EP300: variants seen among roughly 807,000 people sequenced by gnomAD.
EP300 encodes histone acetyltransferase p300.
In EP300, 31 loss-of-function variants were observed where a neutral mutation model predicts 264.0. The observed-to-expected ratio is 0.12, with a 90% confidence interval of 0.09 to 0.16. EP300 has a LOEUF of 0.16. Ranked by LOEUF, EP300 falls within the 10% of genes least tolerant of loss-of-function variation. The pLI, the probability that EP300 is intolerant of heterozygous loss-of-function variation, is 1.00. For missense variants in EP300, 2,766 were observed against 3,052.9 expected (o/e 0.91, Z 2.21); for synonymous variants, 1,340 against 1,045.4 (o/e 1.28, Z -5.44).
chr22:41,167,333 C>T (rs1171126004), intron 23 of EP300, among the ~76,000 whole-genome samples: 1 of 151,550 alleles, frequency 6.6e-6, no homozygotes, highest in Non-Finnish European at 1.5e-5. Context: ...TACCTTTTGG[C>T]CTTATGTGAT....
chr22:41,093,138 T>TCTTTTCTACTCGGTGCGC, intron 1 of EP300, 40 bp downstream of exon 1: 1 of 1,584,484 alleles, frequency 6.3e-7, no homozygotes, highest in South Asian at 1.1e-5. Context: ...TTCCCTTTAA[T>TCTTTTCTACTCGGTGCGC]CTTTTCTACT....
chr22:41,152,212 G>A lies in EP300; in HGVS notation c.3004G>A (p.Val1002Met), dbSNP rs2145740601. ...TTCTTACGTTTTCTTTTAGTCTAAA[G>A]TGGAAGACTGTAAAATGGAATCTAC... ...TQPEDISESK[V>M]EDCKMESTET... Residue 1002 changes from valine to methionine, a missense_variant, in exon 16 of 31, where the codon GTG (valine) becomes ATG (methionine). Physicochemically the swap from Val to Met is conservative, Grantham distance 21 (BLOSUM62 1). Coordinates refer to ENST00000263253, the MANE Select transcript of EP300 (RefSeq NM_001429.4). 1 of 1,614,064 alleles carries A rather than the reference G, an allele frequency of 6.2e-7. No homozygotes were observed.
chr22:41,127,764 G>A lies in EP300; in HGVS notation c.1168+16G>A. 6.2e-7 allele frequency: 1 copy of A among 1,614,024 alleles called. No homozygotes were observed. Among genetic ancestry groups the A allele is most frequent in the Non-Finnish European group, 8.5e-7 (1 of 1,180,046 alleles). ...TCTTGCCAAGGTAAGTGGACCCACA[G>A]GGTTACTGTACTTAGCAATTTTTAC... On this transcript the variant is annotated intron_variant, in intron 4 of 30. Coordinates refer to ENST00000263253, the MANE Select transcript of EP300 (RefSeq NM_001429.4).
In EP300 at chr22:41,178,617, T is replaced by C. The variant is rs1300822601; in HGVS notation, c.6906T>C (p.Ser2302=). The C allele has an allele frequency of 1.9e-6, 3 of 1,613,672 alleles. No homozygotes were observed. Among genetic ancestry groups the C allele is most frequent in the African/African-American group, 1.3e-5 (1 of 74,768 alleles). The part of the protein sequence containing the change: ...PHLQGQQIPN[S]LSNQVRSPQP... ...TACAAGGCCAGCAGATCCCTAATTC[T>C]CTCTCCAATCAAGTGCGCTCTCCCC... Residue 2302 remains serine, a synonymous_variant, in exon 31 of 31, where the codon TCT becomes TCC. Transcript: ENST00000263253.
chr22:41,093,986 A>G (rs1345938264), intron 1 of EP300, among the ~76,000 whole-genome samples: 5 of 152,194 alleles, frequency 3.3e-5, no homozygotes, highest in African/African-American at 1.2e-4. Context: ...GTCTTTTTAC[A>G]CTTTTAAACA....
intron 27 of EP300, 66 bp from the exon 28 acceptor site, chr22:41,172,430 GATT>G (rs1459357308): frequency 7.2e-7 from 1 of 1,382,078 alleles, no homozygotes; most frequent in Non-Finnish European, 1.0e-6. Context: ...TGTCAGCCAT[GATT>G]ATTCTGTATA....
chr22:41,116,623 T>A (rs971313837), intron 1 of EP300, among the ~76,000 whole-genome samples: 6 of 152,164 alleles, frequency 3.9e-5, no homozygotes, highest in Non-Finnish European at 7.3e-5. Context: ...TGGGGGGTGT[T>A]GTACTTTCAA....
In EP300 at chr22:41,179,163, T is replaced by TA; in HGVS notation, c.*208dup. On this transcript the variant is annotated 3_prime_UTR_variant, in exon 31 of 31. Coordinates refer to ENST00000263253, the MANE Select transcript of EP300 (RefSeq NM_001429.4). ...TAGAATACAAAGAATATATTTTTGT[T>TA]ATGGCTGGTTACCACCAGCCTTTCT... 3 of 618,348 alleles carry TA rather than the reference T, an allele frequency of 4.9e-6. No homozygotes were observed. The highest frequency in any genetic ancestry group is 8.3e-6 in the Non-Finnish European group (3 of 360,442). The allele number at this position is 618,348 out of a possible 1,614,324, so 38.3% of individuals were successfully genotyped here. A position where few individuals can be genotyped will look rare whatever the true frequency, so the allele number is the denominator to read the frequency against.
At chr22:41,095,631 A>G (rs2145669952) in intron 1 of EP300, among the ~76,000 whole-genome samples, 1 of 152,180 alleles carries the variant, frequency 6.6e-6, no homozygotes, top group African/African-American at 2.4e-5. Context: ...AAAACTTTTA[A>G]GTTTCAAACT....
intron 1 of EP300, 123 bp from the exon 2 acceptor site, chr22:41,117,064 T>G (rs2058825513): frequency 2.2e-6 from 2 of 904,842 alleles, no homozygotes; most frequent in Middle Eastern, 3.0e-4. Flanking sequence ...CTGTCTCAAA[T>G]AAATAGAAAA....
At chr22:41,138,931 T>C (rs946282695) in intron 8 of EP300, among the ~76,000 whole-genome samples, 1 of 152,106 alleles carries the variant, frequency 6.6e-6, no homozygotes, top group African/African-American at 2.4e-5. Context: ...GCTAATCATT[T>C]AGGATTCTTT....
intron 2 of EP300, 77 bp downstream of exon 2, chr22:41,117,898 C>A: frequency 6.2e-7 from 1 of 1,600,338 alleles, no homozygotes; most frequent in South Asian, 1.1e-5. Context: ...GTTTGCCTTA[C>A]ATTGTATAGC....
chr22:41,140,500 G>A (rs2058976288), intron 9 of EP300, among the ~76,000 whole-genome samples: 1 of 152,088 alleles, frequency 6.6e-6, no homozygotes, highest in Non-Finnish European at 1.5e-5. Context: ...TGGTTGTCCT[G>A]TCAACCTAAA....
chr22:41,158,955 T>G (rs1407997684), intron 19 of EP300: 1 of 170,704 alleles, frequency 5.9e-6, no homozygotes, highest in Non-Finnish European at 1.3e-5. Flanking sequence ...CTGGAGTCTT[T>G]TCTTTGCCTC....
chr22:41,153,810 T>G (rs1275145190), intron 16 of EP300, among the ~76,000 whole-genome samples: 1 of 152,240 alleles, frequency 6.6e-6, no homozygotes, highest in Non-Finnish European at 1.5e-5. Flanking sequence ...AGTCCTTATT[T>G]TTAGCACAGC....
At chr22:41,142,403 T>G (rs552970864) in intron 10 of EP300, among the ~76,000 whole-genome samples, 3 of 152,282 alleles carry the variant, frequency 2.0e-5, no homozygotes, top group South Asian at 4.2e-4. Flanking sequence ...AGGTACTGTT[T>G]TGTAATGTGT....
rs1270371607 is a variant in EP300 at position 41,147,955 on chromosome 22, G to C, written c.2241+9G>C. 1 of 1,581,376 alleles carries C rather than the reference G, an allele frequency of 6.3e-7. No homozygotes were observed. Among genetic ancestry groups the C allele is most frequent in the Non-Finnish European group, 8.6e-7 (1 of 1,159,102 alleles). On this transcript the variant is annotated intron_variant, in intron 12 of 30. Transcript: ENST00000263253. The stretch of plus-strand genomic sequence containing the variant: ...CTGGAGCTCTCAACCCGGTTAGTTT[G>C]ACGTCTTTGGTAATCTCTTTGGCCT...
At chr22:41,155,918 A>G (rs944918438) in intron 17 of EP300, among the ~76,000 whole-genome samples, 2 of 152,174 alleles carry the variant, frequency 1.3e-5, no homozygotes, top group African/African-American at 4.8e-5. Context: ...TGTAGTGAAC[A>G]TTGTGTGGAT....
At chr22:41,098,694 G>T (rs2058715308) in intron 1 of EP300, among the ~76,000 whole-genome samples, 1 of 152,130 alleles carries the variant, frequency 6.6e-6, no homozygotes, top group South Asian at 2.1e-4. Flanking sequence ...TGTTGAGAGA[G>T]AGAGAGTAAA....
Sources: gnomAD v4.1 joint callset for allele counts (sites outside exome capture counted in the v4.1 genomes callset) on GRCh38, gnomAD v4.1.1 for gene constraint, MANE v1.5 for transcripts, NCBI Gene and HGNC (gene_info 2026-07-23, HGNC 2026-07-21) for gene names.